The following IARS2 variants were observed in gnomAD, a reference collection of about 807,000 sequenced individuals.
The protein encoded by IARS2 is isoleucyl-tRNA synthetase 2, mitochondrial, also known as isoleucine--tRNA ligase, mitochondrial.
A neutral mutation model predicts 126.3 loss-of-function variants in IARS2; 56 were observed. The ratio of observed to expected loss-of-function variants is 0.44; its 90% CI spans 0.36 to 0.55. The LOEUF (loss-of-function observed/expected upper bound fraction) is 0.55, where lower values mean the gene tolerates loss of function less well. Among genes scored for constraint, IARS2 ranks in the 20% least tolerant of loss-of-function variants. The pLI is 0.00. For missense variants in IARS2, 1,127 were observed against 1,245.9 expected (o/e 0.90, Z 1.44); for synonymous variants, 407 against 441.1 (o/e 0.92, Z 0.97).
chr1:220,114,854 A>G lies in IARS2; in HGVS notation c.1640+380A>G, dbSNP rs368576083. On this transcript the variant is annotated intron_variant, in intron 12 of 22. Transcript: ENST00000366922. ...TGCTTTCCTTTTCAGTGGAAATGGG[A>G]TTATGTAATTGTGTAGATACTTAAA... 5.3e-5 allele frequency among the ~76,000 whole-genome samples: 8 copies of G among 152,184 alleles called. No individual in the cohort carries two copies. In the East Asian group the frequency reaches 1.2e-3, roughly 22 times the overall value.
At chr1:220,145,988 C>G (rs546249326) in intron 22 of IARS2, among the ~76,000 whole-genome samples, 1 of 152,240 alleles carries the variant, frequency 6.6e-6, no homozygotes, top group South Asian at 2.1e-4. Context: ...ACTTAGTACC[C>G]CAGTACTGGC....
chr1:220,140,367 A>T, intron 19 of IARS2, 78 bp downstream of exon 19: 1 of 882,014 alleles, frequency 1.1e-6, no homozygotes, highest in Non-Finnish European at 1.8e-6. Context: ...GCACTTTGGG[A>T]GGCCGAGGCG....
chr1:220,120,230 C>T (rs1013488273), intron 12 of IARS2, among the ~76,000 whole-genome samples: 11 of 151,796 alleles, frequency 7.2e-5, no homozygotes, highest in Admixed American at 3.3e-4. Flanking sequence ...TACAGGCTTG[C>T]GCCACTATGC....
intron 19 of IARS2, among the ~76,000 whole-genome samples, chr1:220,141,352 G>A (rs1306902109): frequency 2.6e-5 from 4 of 152,158 alleles, no homozygotes; most frequent in African/African-American, 9.7e-5. Flanking sequence ...TTCATCTGTT[G>A]CTCCAGTGTG....
chr1:220,117,780 A>G (rs1353156745), intron 12 of IARS2: 1 of 456,678 alleles, frequency 2.2e-6, no homozygotes, highest in African/African-American at 2.0e-5. Context: ...ATACATTTAC[A>G]TGGTAGTGTT....
At chr1:220,139,160 T>G in intron 18 of IARS2, 21 bp downstream of exon 18, 1 of 1,591,168 alleles carries the variant, frequency 6.3e-7, no homozygotes, top group East Asian at 2.3e-5. Context: ...ATTAATAAAC[T>G]TTTGGAAACT....
At chr1:220,131,222 G>C (rs1159217065) in intron 14 of IARS2, among the ~76,000 whole-genome samples, 2 of 152,028 alleles carry the variant, frequency 1.3e-5, no homozygotes, top group Admixed American at 1.3e-4. Context: ...TGTCGCCCAG[G>C]CTGGAGTGCA....
At position 220,139,151 on chromosome 1, in the gene IARS2, T is replaced by G. The variant is rs760832922; in HGVS notation, c.2307+12T>G. 6.3e-7 allele frequency: 1 copy of G among 1,595,352 alleles called. No homozygotes were observed. ...ATTTGGCAAACAAGGTAAATGTAAATTAATAAACTTTTGGAAACTAGAAAT... is the reference window on the plus strand; with the variant it reads ...ATTTGGCAAACAAGGTAAATGTAAAGTAATAAACTTTTGGAAACTAGAAAT... On this transcript the variant is annotated intron_variant, in intron 18 of 22. Transcript: ENST00000366922.
chr1:220,102,115 C>T lies in IARS2; in HGVS notation c.551-14C>T, dbSNP rs1249972725. The T allele has an allele frequency of 3.7e-5, 59 of 1,587,814 alleles. No individual in the cohort carries two copies. The highest frequency in any genetic ancestry group is 4.4e-5 in the Non-Finnish European group (51 of 1,172,096). ...CATTGGTTTTTTAAAATCTTTTTTT[C>T]GTCTTTTTTTTAGCTAGATCATTTG... On this transcript the variant is annotated splice_polypyrimidine_tract_variant and intron_variant, in intron 3 of 22. Transcript: ENST00000366922.
intron 8 of IARS2, 86 bp from the exon 9 acceptor site, chr1:220,105,805 A>G (rs1451664953): frequency 4.3e-6 from 5 of 1,167,308 alleles, no homozygotes; most frequent in East Asian, 4.7e-5. Flanking sequence ...GATTCTGCAC[A>G]TTTAACCTGA....
At chr1:220,132,709 A>G (rs1657294209) in intron 14 of IARS2, among the ~76,000 whole-genome samples, 1 of 151,400 alleles carries the variant, frequency 6.6e-6, no homozygotes, top group Non-Finnish European at 1.5e-5. Context: ...CGTTTTTAGT[A>G]GAGATGGGGT....
intron 11 of IARS2, among the ~76,000 whole-genome samples, chr1:220,111,598 A>ATATGTGTGTGTGTGTG (rs374024744): frequency 2.2e-5 from 3 of 134,838 alleles, no homozygotes; most frequent in East Asian, 2.2e-4. Context: ...ATATATATAT[A>ATATGTGTGTGTGTGTG]TGTGTGTGTG....
chr1:220,134,007 C>G (rs913710542), intron 14 of IARS2, among the ~76,000 whole-genome samples: 1 of 151,198 alleles, frequency 6.6e-6, no homozygotes, highest in African/African-American at 2.4e-5. Context: ...TGTCATGTCT[C>G]TCTAGTTCTT....
intron 12 of IARS2, among the ~76,000 whole-genome samples, chr1:220,124,247 A>G (rs73098515): frequency 0.13 from 19,679 of 152,216 alleles, 1,377 homozygotes; most frequent in South Asian, 0.2. Context: ...TATAGTATGA[A>G]TTTTTTTCCC....
chr1:220,139,086 A>G lies in IARS2; in HGVS notation c.2254A>G (p.Met752Val), dbSNP rs759048118. Residue 752 changes from methionine (M) to valine (V), a missense_variant, in exon 18 of 23, where the codon ATG becomes GTG. Met to Val is a conservative substitution (Grantham distance 21). Coordinates refer to ENST00000366922, the MANE Select transcript of IARS2 (RefSeq NM_018060.4). ...AACAGATTCCATCCCTGTAAACGATATGTATGTCATAGACCAGTACATGCT... is the reference window on the plus strand; with the variant it reads ...AACAGATTCCATCCCTGTAAACGATGTGTATGTCATAGACCAGTACATGCT... ...PETDSIPVND[M>V]YVIDQYMLHL... 1 of 1,612,946 alleles carries G rather than the reference A, an allele frequency of 6.2e-7. No individual in the cohort carries two copies. Among genetic ancestry groups the G allele is most frequent in the Non-Finnish European group, 8.5e-7 (1 of 1,178,984 alleles).
intron 12 of IARS2, among the ~76,000 whole-genome samples, chr1:220,121,579 T>C (rs1258418924): frequency 6.6e-6 from 1 of 152,204 alleles, no homozygotes; most frequent in Non-Finnish European, 1.5e-5. Context: ...TTGAATTTTC[T>C]GATATTTAGG....
chr1:220,116,457 A>AT (rs1656914712), intron 12 of IARS2, among the ~76,000 whole-genome samples: 1 of 151,952 alleles, frequency 6.6e-6, no homozygotes. Flanking sequence ...TCTTTGAGCA[A>AT]TTTTTTTTAA....
intron 12 of IARS2, 48 bp from the exon 13 acceptor site, chr1:220,125,189 C>T: frequency 9.6e-7 from 1 of 1,044,150 alleles, no homozygotes; most frequent in Non-Finnish European, 1.4e-6. Context: ...GTTTGTTATT[C>T]ATCACAATAG....
chr1:220,120,524 G>A (rs779408851), intron 12 of IARS2, among the ~76,000 whole-genome samples: 2 of 151,818 alleles, frequency 1.3e-5, no homozygotes, highest in Non-Finnish European at 2.9e-5. Context: ...CTATAGTCAC[G>A]CACCACCATA....
Sources: gnomAD v4.1 joint callset for allele counts (sites outside exome capture counted in the v4.1 genomes callset) on GRCh38, gnomAD v4.1.1 for gene constraint, MANE v1.5 for transcripts, NCBI Gene and HGNC (gene_info 2026-07-23, HGNC 2026-07-21) for gene names.